Variants in STOML1 observed in about 807,000 individuals in gnomAD.
The protein encoded by STOML1 is stomatin-like protein 1.
In STOML1, 27 loss-of-function variants were observed where a neutral mutation model predicts 35.7. The observed-to-expected ratio is 0.76, with a 90% CI of 0.56 to 1.04. The LOEUF (loss-of-function observed/expected upper bound fraction) is 1.04. Among genes scored for constraint, STOML1 ranks in the 50% least tolerant of loss-of-function variants. The pLI is 0.00. For missense variants in STOML1, 451 were observed against 527.1 expected (o/e 0.86, Z 1.41); for synonymous variants, 219 against 227.9 (o/e 0.96, Z 0.35).
chr15:73,991,163 C>A (rs2069263507), intron 1 of STOML1: 1 of 336,140 alleles, frequency 3.0e-6, no homozygotes. Context: ...AAAAACCCTG[C>A]CTATTTCAAT....
At chr15:73,985,132 A>G (rs1367126073) in intron 5 of STOML1, among the ~76,000 whole-genome samples, 186 bp downstream of exon 5, 1 of 152,132 alleles carries the variant, frequency 6.6e-6, no homozygotes, top group Admixed American at 6.5e-5. Context: ...GCCTCCTCCC[A>G]TGGAGGCTGC....
rs2069158621 is a variant in STOML1, at chr15:73,988,389, A to C, written c.594+210T>G. On this transcript the variant is annotated intron_variant, in intron 4 of 6. Transcript: ENST00000541638. The surrounding 1 kb of genome is among the most constrained non-coding windows in gnomAD (Gnocchi z 4.8). ...GGGCCACTTCCTCTTCTCAGGGACA[A>C]GTTTGCCCAGGATCGTTATGGTCTA... is the stretch of plus-strand genomic sequence containing the variant. The C allele has an allele frequency of 1.7e-6, 1 of 603,314 alleles. No homozygotes were observed. Among genetic ancestry groups the C allele is most frequent in the Non-Finnish European group, 2.9e-6 (1 of 350,538 alleles). The allele number at this position is 603,314 out of a possible 1,614,324, so 37.4% of individuals were successfully genotyped here.
Position 73,981,511 on chromosome 15 carries a change from C to G in STOML1, c.*2426G>C, listed in dbSNP as rs554000956. The G allele has an allele frequency of 2.1e-4, 32 of 152,296 alleles. 1 individual carries two copies. The highest frequency in any genetic ancestry group is 1.9e-3 in the Admixed American group (29 of 15,302). 9.4% of individuals were successfully genotyped at this position (152,296 alleles called of 1,614,324 possible). A position where few individuals can be genotyped will look rare whatever the true frequency, so the allele number is the denominator to read the frequency against. On this transcript the variant is annotated 3_prime_UTR_variant, in exon 7 of 7. Transcript: ENST00000541638. ...CCGGTATAAGGACATATTTGGCACA[C>G]AGTAATGGTTACTATTTCTATACCC...
chr15:73,989,778 G>T (rs111929243), intron 2 of STOML1, among the ~76,000 whole-genome samples: 1 of 152,184 alleles, frequency 6.6e-6, no homozygotes, highest in Non-Finnish European at 1.5e-5. Context: ...GGCAGTTTTA[G>T]AACTAGGATA....
In STOML1 at chr15:73,983,896, G is replaced by A. The variant is rs377648957; in HGVS notation, c.*41C>T. The A allele has an allele frequency of 8.2e-5, 129 of 1,578,978 alleles. No individual in the cohort carries two copies. The highest frequency in any genetic ancestry group is 1.1e-4 in the Non-Finnish European group (124 of 1,159,222). ...CTCCAAGAGGCCCCTCAGGCTTGGT[G>A]CCAGGCTTGGGACTGGGCTCTGGAA... is the stretch of plus-strand genomic sequence containing the variant. On this transcript the variant is annotated 3_prime_UTR_variant, in exon 7 of 7. Transcript: ENST00000541638.
chr15:73,988,957 C>T lies in STOML1; in HGVS notation c.390+151G>A. 7.0e-7 allele frequency: 1 copy of T among 1,423,544 alleles called. No individual in the cohort carries two copies. Among genetic ancestry groups the T allele is most frequent in the Non-Finnish European group, 9.5e-7 (1 of 1,058,048 alleles). The allele number at this position is 1,423,544 out of a possible 1,614,324, so 88.2% of individuals were successfully genotyped here. A position where few individuals can be genotyped will look rare whatever the true frequency, so the allele number is the denominator to read the frequency against. On this transcript the variant is annotated intron_variant, in intron 3 of 6. Coordinates refer to ENST00000541638, the MANE Select transcript of STOML1 (RefSeq NM_004809.5). The surrounding 1 kb of genome is among the most constrained non-coding windows in gnomAD (Gnocchi z 4.8). ...AGTATGTAGGGTTAGGTGTATGAAG[C>T]AAGGATGTCCTCCTAGCTTCCATCA...
chr15:73,988,937 G>A lies in STOML1; in HGVS notation c.391-135C>T. On this transcript the variant is annotated intron_variant, in intron 3 of 6. Coordinates refer to ENST00000541638, the MANE Select transcript of STOML1 (RefSeq NM_004809.5). This position sits in a 1 kb window ranked among gnomAD's most constrained non-coding sequence, Gnocchi z 4.8. ...AAGGGCAAATGGTGTCACCAAGTATGTAGGGTTAGGTGTATGAAGCAAGGA... is the reference window on the plus strand; with the variant it reads ...AAGGGCAAATGGTGTCACCAAGTATATAGGGTTAGGTGTATGAAGCAAGGA... 2 of 1,423,382 alleles carry A rather than the reference G, an allele frequency of 1.4e-6. No individual in the cohort carries two copies. The highest frequency in any genetic ancestry group is 9.5e-7 in the Non-Finnish European group (1 of 1,053,040). The allele number at this position is 1,423,382 out of a possible 1,614,324, so 88.2% of individuals were successfully genotyped here. A position where few individuals can be genotyped will look rare whatever the true frequency, so the allele number is the denominator to read the frequency against.
chr15:73,991,885 G>T, intron 1 of STOML1: 1 of 784,456 alleles, frequency 1.3e-6, no homozygotes, highest in South Asian at 1.8e-5. Flanking sequence ...TGGCTCTGGG[G>T]CCAAAGCCCC....
At position 73,988,556 on chromosome 15, in the gene STOML1, C is replaced by T. The variant is rs1327149470; in HGVS notation, c.594+43G>A. ...AAGTGACCTGGCAGGTGGAGCCAGG[C>T]CGGTGCCACCCCTCAAGCTCCGTCT... On this transcript the variant is annotated intron_variant, in intron 4 of 6. Coordinates refer to ENST00000541638, the MANE Select transcript of STOML1 (RefSeq NM_004809.5). This position sits in a 1 kb window ranked among gnomAD's most constrained non-coding sequence, Gnocchi z 4.8. 6.2e-7 allele frequency: 1 copy of T among 1,609,606 alleles called. No individual in the cohort carries two copies. The highest frequency in any genetic ancestry group is 1.3e-5 in the African/African-American group (1 of 74,952).
intron 1 of STOML1, chr15:73,991,501 A>G: frequency 4.5e-6 from 2 of 445,120 alleles, no homozygotes; most frequent in Non-Finnish European, 9.1e-6. Context: ...AAGGCCAGGG[A>G]GGGATCAAAT....
In STOML1 at chr15:73,989,142, A is replaced by C. The variant is rs2069186869; in HGVS notation, c.356T>G (p.Leu119Arg). Residue 119 changes from leucine to arginine, a missense_variant, in exon 3 of 7, where the codon CTG becomes CGG. Transcript: ENST00000541638. ...PFIDSFQRVD[L>R]RTRAFNVPPC... ...AGGGACGTTGAAGGCTCGTGTCCTC[A>C]GATCCACCCTCTGAAAGGAGTCAAT... The C allele has an allele frequency of 6.2e-7, 1 of 1,610,610 alleles. No individual in the cohort carries two copies. The highest frequency in any genetic ancestry group is 1.3e-5 in the African/African-American group (1 of 74,940).
At chr15:73,994,598 G>A, upstream of STOML1, 2 of 612,770 alleles carry the variant, frequency 3.3e-6, no homozygotes, top group Non-Finnish European at 3.0e-6. Flanking sequence ...CCTCCTCCCC[G>A]CTCTGGGCGT....
intron 1 of STOML1, 41 bp downstream of exon 1, chr15:73,992,050 G>C: frequency 1.3e-6 from 2 of 1,522,206 alleles, no homozygotes; most frequent in Non-Finnish European, 1.8e-6. Flanking sequence ...GGGGTTGCCG[G>C]CCGGTCCCCC....
At chr15:73,992,037 C>A in intron 1 of STOML1, 54 bp downstream of exon 1, 1 of 1,510,372 alleles carries the variant, frequency 6.6e-7, no homozygotes, top group East Asian at 2.5e-5. Flanking sequence ...AGATTCGGGC[C>A]TGGGGGTTGC....
Position 73,988,357 on chromosome 15 carries a change from T to C in STOML1, c.594+242A>G. On this transcript the variant is annotated intron_variant, in intron 4 of 6. Transcript: ENST00000541638. The surrounding 1 kb of genome is among the most constrained non-coding windows in gnomAD (Gnocchi z 4.8). ...AACTAAGGGGCAGACCCCAAGAATG[T>C]CTGCCGGGGCCACTTCCTCTTCTCA... is the stretch of plus-strand genomic sequence containing the variant. 2 of 531,446 alleles carry C rather than the reference T, an allele frequency of 3.8e-6. No individual in the cohort carries two copies. Among genetic ancestry groups the C allele is most frequent in the Admixed American group, 6.4e-5 (2 of 31,382 alleles). The allele number at this position is 531,446 out of a possible 1,614,324, so 32.9% of individuals were successfully genotyped here. A position where few individuals can be genotyped will look rare whatever the true frequency, so the allele number is the denominator to read the frequency against.
Position 73,988,571 on chromosome 15 carries a change from A to G in STOML1, c.594+28T>C, listed in dbSNP as rs371132909. 3.3e-5 allele frequency: 53 copies of G among 1,613,372 alleles called. No homozygotes were observed. Among genetic ancestry groups the G allele is most frequent in the Non-Finnish European group, 4.2e-5 (49 of 1,179,728 alleles). On this transcript the variant is annotated intron_variant, in intron 4 of 6. Coordinates refer to ENST00000541638, the MANE Select transcript of STOML1 (RefSeq NM_004809.5). This position sits in a 1 kb window ranked among gnomAD's most constrained non-coding sequence, Gnocchi z 4.8. ...TGGAGCCAGGCCGGTGCCACCCCTCAAGCTCCGTCTTGTGAGGGGCTGCCT... is the reference window on the plus strand; with the variant it reads ...TGGAGCCAGGCCGGTGCCACCCCTCGAGCTCCGTCTTGTGAGGGGCTGCCT...
chr15:73,980,306 T>C lies in STOML1; in HGVS notation c.*3631A>G, dbSNP rs921282782. The C allele has an allele frequency of 2.6e-5, 4 of 152,260 alleles. No homozygotes were observed. The highest frequency in any genetic ancestry group is 2.0e-4 in the Admixed American group (3 of 15,286). The allele number at this position is 152,260 out of a possible 1,614,324, so 9.4% of individuals were successfully genotyped here. On this transcript the variant is annotated 3_prime_UTR_variant, in exon 7 of 7. Coordinates refer to ENST00000541638, the MANE Select transcript of STOML1 (RefSeq NM_004809.5). Reference sequence around the variant, plus strand: ...AGGATTTTATCTTATAGATAAACTCTACCACAAATAGCACATGTTAAAGGT... The same window carrying C: ...AGGATTTTATCTTATAGATAAACTCCACCACAAATAGCACATGTTAAAGGT...
chr15:73,990,495 C>A, intron 1 of STOML1, 38 bp from the exon 2 acceptor site: 3 of 1,554,566 alleles, frequency 1.9e-6, no homozygotes, highest in South Asian at 1.2e-5. Flanking sequence ...TGGACCTGCA[C>A]GACAGCTGCC....
chr15:73,988,862 G>A lies in STOML1; in HGVS notation c.391-60C>T. On this transcript the variant is annotated intron_variant, in intron 3 of 6. Coordinates refer to ENST00000541638, the MANE Select transcript of STOML1 (RefSeq NM_004809.5). The surrounding 1 kb of genome is among the most constrained non-coding windows in gnomAD (Gnocchi z 4.8). ...GGGGCTGGGGGTGCAGGGAGGTCAG[G>A]CCCACTGGGGCCACCCAGCTTGAAC... 1.3e-6 allele frequency: 2 copies of A among 1,566,160 alleles called. No homozygotes were observed. The highest frequency in any genetic ancestry group is 1.7e-6 in the Non-Finnish European group (2 of 1,152,052).
Sources: gnomAD v4.1 joint callset for allele counts (sites outside exome capture counted in the v4.1 genomes callset) on GRCh38, gnomAD v4.1.1 for gene constraint, Gnocchi (gnomAD v3.1) non-coding constraint, MANE v1.5 for transcripts, NCBI Gene and HGNC (gene_info 2026-07-23, HGNC 2026-07-21) for gene names.